AGMO: variants seen among roughly 807,000 people sequenced by gnomAD.
The protein encoded by AGMO is alkylglycerol monooxygenase, also known as glyceryl-ether monooxygenase.
AGMO carries 75 observed loss-of-function variants against 60.2 expected under a neutral mutation model. The observed-to-expected ratio is 1.25, with a 90% CI of 1.03 to 1.51. The LOEUF is 1.51. Ranked by LOEUF, AGMO falls within the 40% of genes most tolerant of loss-of-function variation. AGMO has a pLI of 0.00. For synonymous variants in AGMO, 261 were observed against 177.1 expected, an observed-to-expected ratio of 1.47 and a Z score of -3.76; for missense variants, 763 against 525.5, an observed-to-expected ratio of 1.45 and a Z score of -4.42.
chr7:15,354,418 GTATACACACACGTGTGTGTA>G (rs1254771800), intron 12 of AGMO, among the ~76,000 whole-genome samples: 5 of 24,904 alleles, frequency 2.0e-4, no homozygotes, highest in African/African-American at 5.7e-4. Context: ...ACACGTGTGT[GTATACACACACGTGTGTGTA>G]TACACACGTG....
chr7:15,408,545 G>C (rs770678724), intron 5 of AGMO, among the ~76,000 whole-genome samples: 7 of 151,808 alleles, frequency 4.6e-5, no homozygotes, highest in Non-Finnish European at 1.0e-4. Flanking sequence ...TTTTAAGAGT[G>C]AATGGCTGTG....
In AGMO at chr7:15,387,472, G is replaced by C; in HGVS notation, c.891C>G (p.Val297=). 1.9e-6 allele frequency: 3 copies of C among 1,613,916 alleles called. No individual in the cohort carries two copies. The highest frequency in any genetic ancestry group is 2.5e-6 in the Non-Finnish European group (3 of 1,179,920). Residue 297 remains valine (V), a synonymous_variant, in exon 9 of 13, where the codon GTC becomes GTG. Coordinates refer to ENST00000342526, the MANE Select transcript of AGMO (RefSeq NM_001004320.2). Reference sequence around the variant, plus strand: ...GACCCCATCCCGGTCCCTTAAATATGACAGAAAACTTATTGAAGAATCCAG... The same window carrying C: ...GACCCCATCCCGGTCCCTTAAATATCACAGAAAACTTATTGAAGAATCCAG... ...ATPGFFNKFS[V]IFKGPGWGPG...
rs140406868 is a variant in AGMO at position 15,516,570 on chromosome 7, T to G, written c.409+28202A>C. On this transcript the variant is annotated intron_variant, in intron 3 of 12. Coordinates refer to ENST00000342526, the MANE Select transcript of AGMO (RefSeq NM_001004320.2). ...GATTACTGAAGGCTGAATGATGTGT[T>G]TACTATTTACAACTTCCTTTGTAAA... 2.2e-3 allele frequency among the ~76,000 whole-genome samples: 335 copies of G among 152,300 alleles called. 1 individual carries two copies. Among genetic ancestry groups the G allele is most frequent in the Non-Finnish European group, 3.7e-3 (254 of 68,016 alleles).
chr7:15,484,475 G>A (rs917421199), intron 3 of AGMO, among the ~76,000 whole-genome samples: 8 of 152,150 alleles, frequency 5.3e-5, no homozygotes, highest in African/African-American at 1.9e-4. Context: ...TGGCTATCTG[G>A]ATGGTGGATA....
chr7:15,340,817 G>C (rs1012270123), intron 12 of AGMO, among the ~76,000 whole-genome samples: 3 of 152,158 alleles, frequency 2.0e-5, no homozygotes, highest in Non-Finnish European at 4.4e-5. Context: ...GAAATGTGGG[G>C]TTGGTGCCCC....
At chr7:15,178,646 C>T in the AGMO span, among the ~76,000 whole-genome samples, 3 of 152,202 alleles carry the variant, frequency 2.0e-5, no homozygotes, top group African/African-American at 7.2e-5. Flanking sequence ...ATAAGTGCAG[C>T]TTCTTGACTC....
chr7:15,519,984 C>CA (rs61041008), intron 3 of AGMO, among the ~76,000 whole-genome samples: 155 of 110,806 alleles, frequency 1.4e-3, no homozygotes, highest in South Asian at 3.7e-3. Context: ...AATGGGAAGC[C>CA]AAAAAAAAAA....
At chr7:15,365,707 C>T (rs1488858278) in intron 11 of AGMO, 88 bp from the exon 12 acceptor site, 5 of 840,446 alleles carry the variant, frequency 5.9e-6, no homozygotes, top group African/African-American at 5.3e-5. Flanking sequence ...TTCTCATTCT[C>T]AAGAAATACC....
At chr7:15,475,236 T>C (rs1282443365) in intron 3 of AGMO, among the ~76,000 whole-genome samples, 1 of 152,148 alleles carries the variant, frequency 6.6e-6, no homozygotes, top group Non-Finnish European at 1.5e-5. Context: ...TAAATACACA[T>C]GCACACATAT....
At position 15,306,330 on chromosome 7, in the gene AGMO, T is replaced by C. The variant is rs1583387320; in HGVS notation, c.1263+59184A>G. The stretch of plus-strand genomic sequence containing the variant: ...GAAAGGAAGTCAGATTTTAGTTATA[T>C]GAATCCAGGGTAACTTCATTCATGG... On this transcript the variant is annotated intron_variant, in intron 12 of 12. Coordinates refer to ENST00000342526, the MANE Select transcript of AGMO (RefSeq NM_001004320.2). The C allele has an allele frequency of 2.3e-5, 5 of 222,128 alleles. No individual in the cohort carries two copies. The South Asian group carries it at 2.5e-4, about 11-fold the overall frequency. 13.8% of individuals were successfully genotyped at this position (222,128 alleles called of 1,614,324 possible).
intron 3 of AGMO, among the ~76,000 whole-genome samples, chr7:15,495,621 G>C (rs1783201222): frequency 6.6e-6 from 1 of 152,062 alleles, no homozygotes; most frequent in Admixed American, 6.5e-5. Flanking sequence ...GTCTGCTCAG[G>C]CTGCTGTAAC....
At position 15,201,298 on chromosome 7, in the gene AGMO, T is replaced by TGA; in HGVS notation, c.1323_1324dup (p.His442LeufsTer16). On this transcript the variant is annotated frameshift_variant, in exon 13 of 13. Coordinates refer to ENST00000342526, the MANE Select transcript of AGMO (RefSeq NM_001004320.2). LOFTEE classifies it high-confidence loss of function. ...TACAAATTCAGGTTATTTCCAAGGG[T>TGA]GAGAGGTGAGTTGTTTCATGCTTCT... The TGA allele has an allele frequency of 6.2e-7, 1 of 1,611,456 alleles. No homozygotes were observed. Among genetic ancestry groups the TGA allele is most frequent in the African/African-American group, 1.3e-5 (1 of 74,862 alleles).
chr7:15,155,152 G>A, the AGMO span, among the ~76,000 whole-genome samples: 3 of 152,096 alleles, frequency 2.0e-5, no homozygotes, highest in African/African-American at 7.2e-5. Flanking sequence ...TCTCTAGAGA[G>A]ACTGGGAAAA....
intron 5 of AGMO, chr7:15,396,592 G>T (rs1009599179): frequency 2.0e-5 from 3 of 152,214 alleles, no homozygotes; most frequent in Admixed American, 2.0e-4. Context: ...TGCTTGGATC[G>T]CCAGCTTTTA....
chr7:15,259,469 T>C (rs1310602294), intron 12 of AGMO, among the ~76,000 whole-genome samples: 1 of 151,818 alleles, frequency 6.6e-6, no homozygotes, highest in Non-Finnish European at 1.5e-5. Context: ...AATCTAAAAG[T>C]TTGGAAAACA....
intron 3 of AGMO, among the ~76,000 whole-genome samples, chr7:15,441,197 A>G (rs989799502): frequency 1.3e-5 from 2 of 152,246 alleles, no homozygotes; most frequent in Non-Finnish European, 2.9e-5. Context: ...AGTTTACTAC[A>G]CTTCTCAAAC....
chr7:15,315,790 A>C (rs954200296), intron 12 of AGMO, among the ~76,000 whole-genome samples: 1 of 152,164 alleles, frequency 6.6e-6, no homozygotes, highest in Non-Finnish European at 1.5e-5. Context: ...TATAAAGAGG[A>C]CCATAGCAAA....
At chr7:15,437,478 A>G (rs952365830) in intron 3 of AGMO, among the ~76,000 whole-genome samples, 10 of 151,366 alleles carry the variant, frequency 6.6e-5, no homozygotes, top group African/African-American at 2.4e-4. Flanking sequence ...GTATATATCC[A>G]TATGTTCAGC....
the AGMO span, among the ~76,000 whole-genome samples, chr7:15,177,799 T>C: frequency 3.0e-4 from 45 of 152,250 alleles, no homozygotes; most frequent in African/African-American, 8.4e-4. Flanking sequence ...CTCCCTTCAA[T>C]AGACACAATT....
Sources: allele counts gnomAD v4.1 joint callset (sites outside exome capture counted in the v4.1 genomes callset), GRCh38; gene constraint gnomAD v4.1.1; transcripts MANE v1.5; gene names NCBI Gene and HGNC (gene_info 2026-07-23, HGNC 2026-07-21).